EPHA7: variants seen among roughly 807,000 people sequenced by gnomAD.
The protein encoded by EPHA7 is ephrin type-A receptor 7.
Under a neutral mutation model 112.6 loss-of-function variants are expected in EPHA7, and 25 were observed. The observed-to-expected ratio is 0.22, with a 90% CI of 0.16 to 0.31. The LOEUF is 0.31. Ranked by LOEUF, EPHA7 falls within the 10% of genes least tolerant of loss-of-function variation. The pLI, the probability that EPHA7 is intolerant of heterozygous loss-of-function variation, is 1.00. For missense variants in EPHA7, 962 were observed against 1,212.6 expected (o/e 0.79, Z 3.07); for synonymous variants, 437 against 406.5 (o/e 1.07, Z -0.90).
intron 3 of EPHA7, among the ~76,000 whole-genome samples, chr6:93,359,565 T>C (rs1331417155): frequency 6.6e-6 from 1 of 151,978 alleles, no homozygotes; most frequent in Non-Finnish European, 1.5e-5. Flanking sequence ...TCCACTTGGG[T>C]ATTATGCAAA....
At chr6:93,266,427 A>G (rs1356773191) in intron 7 of EPHA7, among the ~76,000 whole-genome samples, 1 of 151,656 alleles carries the variant, frequency 6.6e-6, no homozygotes, top group Non-Finnish European at 1.5e-5. Flanking sequence ...GAATTTGTGC[A>G]TATTTATTTA....
At chr6:93,275,369 AT>A (rs1202791062) in intron 5 of EPHA7, among the ~76,000 whole-genome samples, 1 of 151,942 alleles carries the variant, frequency 6.6e-6, no homozygotes, top group African/African-American at 2.4e-5. Context: ...TTGAACATAA[AT>A]TTTTAGTAGG....
chr6:93,279,510 G>T (rs1358120619), intron 5 of EPHA7, among the ~76,000 whole-genome samples: 1 of 152,088 alleles, frequency 6.6e-6, no homozygotes, highest in Non-Finnish European at 1.5e-5. Context: ...AGTGCCCACA[G>T]GTGAAAAGAG....
In EPHA7 at chr6:93,393,589, T is replaced by C. The variant is rs1305792176; in HGVS notation, c.832+16912A>G. On this transcript the variant is annotated intron_variant, in intron 3 of 16. Transcript: ENST00000369303. ...TAACATATTTTTTAAAACCCTATAT[T>C]GGGCTAGGACTGAACTAGACTGAAA... Among the ~76,000 whole-genome samples, 4 of 151,830 alleles carry C rather than the reference T, an allele frequency of 2.6e-5. No homozygotes were observed. The East Asian group carries it at 7.7e-4, about 29-fold the overall frequency.
rs188465968 is a variant in EPHA7 at position 93,344,049 on chromosome 6, T to G, written c.1324+12668A>C. ...TTTTAGGTGGTTATACTTTTTATAT[T>G]GGCAAGTACATGATATGGGACATAT... is the stretch of plus-strand genomic sequence containing the variant. On this transcript the variant is annotated intron_variant, in intron 5 of 16. Coordinates refer to ENST00000369303, the MANE Select transcript of EPHA7 (RefSeq NM_004440.4). Among the ~76,000 whole-genome samples the G allele has an allele frequency of 2.6e-5, 4 of 151,672 alleles. No individual in the cohort carries two copies. In the East Asian group the frequency reaches 5.8e-4, roughly 22 times the overall value.
At chr6:93,414,872 A>G (rs987115833) in intron 1 of EPHA7, 105 bp from the exon 2 acceptor site, 1 of 835,690 alleles carries the variant, frequency 1.2e-6, no homozygotes, top group Non-Finnish European at 1.9e-6. Flanking sequence ...ATATGACTTA[A>G]GATCTGTAGT....
At chr6:93,378,735 C>A (rs936888501) in intron 3 of EPHA7, among the ~76,000 whole-genome samples, 1 of 152,072 alleles carries the variant, frequency 6.6e-6, no homozygotes, top group Non-Finnish European at 1.5e-5. Flanking sequence ...GATTAAGTAA[C>A]TTACTATATT....
intron 5 of EPHA7, among the ~76,000 whole-genome samples, chr6:93,323,876 T>C (rs1056863016): frequency 1.3e-5 from 2 of 151,454 alleles, no homozygotes; most frequent in Non-Finnish European, 3.0e-5. Context: ...AAAAGCTATG[T>C]TTTCAAAGAG....
chr6:93,342,097 C>A (rs1775167096), intron 5 of EPHA7, among the ~76,000 whole-genome samples: 1 of 151,738 alleles, frequency 6.6e-6, no homozygotes, highest in South Asian at 2.1e-4. Flanking sequence ...CTTGATAATG[C>A]AAGTCAAATG....
chr6:93,363,420 C>T lies in EPHA7; in HGVS notation c.833-5009G>A, dbSNP rs80298373. On this transcript the variant is annotated intron_variant, in intron 3 of 16. Coordinates refer to ENST00000369303, the MANE Select transcript of EPHA7 (RefSeq NM_004440.4). ...CTGAATTGATGTTTCTCCATGAAAGCTTTACAAATGAGTAATAAACACATA... is the reference window on the plus strand; with the variant it reads ...CTGAATTGATGTTTCTCCATGAAAGTTTTACAAATGAGTAATAAACACATA... Among the ~76,000 whole-genome samples, 1,268 of 152,182 alleles carry T rather than the reference C, an allele frequency of 8.3e-3. 16 individuals are homozygous for T. The highest frequency in any genetic ancestry group is 0.028 in the African/African-American group (1,162 of 41,530).
At chr6:93,294,456 A>G (rs768296337) in intron 5 of EPHA7, among the ~76,000 whole-genome samples, 3 of 152,142 alleles carry the variant, frequency 2.0e-5, no homozygotes, top group East Asian at 1.9e-4. Flanking sequence ...AAACCTGAAG[A>G]TGAATATTTA....
chr6:93,274,284 AG>A (rs1771366061), intron 5 of EPHA7, among the ~76,000 whole-genome samples: 1 of 152,040 alleles, frequency 6.6e-6, no homozygotes, highest in African/African-American at 2.4e-5. Flanking sequence ...TAAAAGAGGC[AG>A]GAGACTCTGA....
intron 3 of EPHA7, among the ~76,000 whole-genome samples, chr6:93,409,072 A>C (rs1179536657): frequency 2.0e-5 from 3 of 152,050 alleles, no homozygotes; most frequent in Admixed American, 2.0e-4. Context: ...TCAAAACCTA[A>C]AGAGCCACAC....
chr6:93,289,103 A>G (rs1469566123), intron 5 of EPHA7, among the ~76,000 whole-genome samples: 1 of 152,146 alleles, frequency 6.6e-6, no homozygotes, highest in East Asian at 1.9e-4. Context: ...TTCCCCCCAT[A>G]TAAGTTCTAG....
intron 9 of EPHA7, among the ~76,000 whole-genome samples, chr6:93,263,365 G>A (rs1770777654): frequency 6.6e-6 from 1 of 151,402 alleles, no homozygotes; most frequent in South Asian, 2.1e-4. Flanking sequence ...AACATCAGAA[G>A]TATGAATCTT....
intron 4 of EPHA7, among the ~76,000 whole-genome samples, chr6:93,357,962 C>A (rs1421517554): frequency 6.6e-6 from 1 of 151,942 alleles, no homozygotes; most frequent in Non-Finnish European, 1.5e-5. Context: ...GCCTGACTGA[C>A]CCTAATAACT....
At chr6:93,414,198 A>G (rs929683790) in intron 2 of EPHA7, among the ~76,000 whole-genome samples, 7 of 152,052 alleles carry the variant, frequency 4.6e-5, no homozygotes, top group African/African-American at 1.2e-4. Flanking sequence ...TGGAGAATCT[A>G]TATAATATTT....
At chr6:93,313,917 T>G (rs374361211) in intron 5 of EPHA7, among the ~76,000 whole-genome samples, 1 of 152,226 alleles carries the variant, frequency 6.6e-6, no homozygotes, top group East Asian at 1.9e-4. Flanking sequence ...GGTAGCAAAT[T>G]CATTAGGAAT....
chr6:93,268,016 A>G (rs1771028875), intron 7 of EPHA7, among the ~76,000 whole-genome samples: 1 of 151,702 alleles, frequency 6.6e-6, no homozygotes, highest in Non-Finnish European at 1.5e-5. Context: ...AAATTACTAG[A>G]GCACATTTTA....
Sources: gnomAD v4.1 joint callset for allele counts (sites outside exome capture counted in the v4.1 genomes callset) on GRCh38, gnomAD v4.1.1 for gene constraint, MANE v1.5 for transcripts, NCBI Gene and HGNC (gene_info 2026-07-23, HGNC 2026-07-21) for gene names.